Variants in NRXN2 observed in about 807,000 individuals in gnomAD.
The protein encoded by NRXN2 is neurexin 2.
Under a neutral mutation model 128.8 loss-of-function variants are expected in NRXN2, and 29 were observed. The ratio of observed to expected loss-of-function variants is 0.23; its 90% CI spans 0.17 to 0.31. The LOEUF is 0.31. Among genes scored for constraint, NRXN2 ranks in the 10% least tolerant of loss-of-function variants. The pLI is 1.00. For missense variants in NRXN2, 1,881 were observed against 2,452.6 expected, an observed-to-expected ratio of 0.77 and a Z score of 4.92; for synonymous variants, 1,098 against 1,075.2, an observed-to-expected ratio of 1.02 and a Z score of -0.41.
chr11:64,608,750 T>A (rs2040137069), intron 22 of NRXN2, among the ~76,000 whole-genome samples: 1 of 152,162 alleles, frequency 6.6e-6, no homozygotes. Context: ...CTGAACTCTC[T>A]CTCCGCCCTC....
intron 6 of NRXN2, 50 bp from the exon 7 acceptor site, chr11:64,677,087 A>G (rs2051440556): frequency 8.5e-7 from 1 of 1,180,590 alleles, no homozygotes; most frequent in Non-Finnish European, 1.3e-6. Context: ...TCAAAAAACA[A>G]CAACAAACAC....
In NRXN2 at chr11:64,713,843, G is replaced by A. The variant is rs2057186735; in HGVS notation, c.-144C>T. Reference sequence around the variant, plus strand: ...CTCACAGTGCCATGGGCCCGGCCGCGGGGCGAGGCGCGCAGAGGCCCAGAT... The same window carrying A: ...CTCACAGTGCCATGGGCCCGGCCGCAGGGCGAGGCGCGCAGAGGCCCAGAT... On this transcript the variant is annotated 5_prime_UTR_variant, in exon 2 of 23. Coordinates refer to ENST00000265459, the MANE Select transcript of NRXN2 (RefSeq NM_015080.4). 5.5e-6 allele frequency: 2 copies of A among 364,766 alleles called. No individual in the cohort carries two copies. The highest frequency in any genetic ancestry group is 7.7e-6 in the Non-Finnish European group (2 of 259,280). The allele number at this position is 364,766 out of a possible 1,614,324, so 22.6% of individuals were successfully genotyped here. A position where few individuals can be genotyped will look rare whatever the true frequency, so the allele number is the denominator to read the frequency against.
rs570008433 is a variant in NRXN2 at position 64,712,196 on chromosome 11, G to T, written c.730+774C>A. On this transcript the variant is annotated intron_variant, in intron 2 of 22. Transcript: ENST00000265459. ...CCCTCACCGTTTCACATGGGGCCCCGCCCCCTGTCTCACAGGCCCCGCCCA... is the reference window on the plus strand; with the variant it reads ...CCCTCACCGTTTCACATGGGGCCCCTCCCCCTGTCTCACAGGCCCCGCCCA... Among the ~76,000 whole-genome samples, 9 of 97,912 alleles carry T rather than the reference G, an allele frequency of 9.2e-5. No homozygotes were observed. In the Admixed American group the frequency reaches 1.0e-3, roughly 11 times the overall value. 64.2% of individuals were successfully genotyped at this position (97,912 alleles called of 152,430 possible). A position where few individuals can be genotyped will look rare whatever the true frequency, so the allele number is the denominator to read the frequency against.
chr11:64,676,906 C>T, intron 7 of NRXN2, 87 bp downstream of exon 7: 1 of 1,109,472 alleles, frequency 9.0e-7, no homozygotes, highest in Non-Finnish European at 1.4e-6. Context: ...AAAAACCAAA[C>T]AGGGAGAGGA....
At chr11:64,681,703 T>C (rs1271361663) in intron 6 of NRXN2, among the ~76,000 whole-genome samples, 1 of 152,248 alleles carries the variant, frequency 6.6e-6, no homozygotes, top group East Asian at 1.9e-4. Context: ...GATTTGAACC[T>C]GGTCTTTCTG....
At chr11:64,720,872 G>A (rs1405779585) in intron 1 of NRXN2, among the ~76,000 whole-genome samples, 1 of 152,168 alleles carries the variant, frequency 6.6e-6, no homozygotes, top group Non-Finnish European at 1.5e-5. Context: ...TGCAAGGACT[G>A]AAGGTGTATG....
chr11:64,711,265 T>C (rs2056856092), intron 2 of NRXN2, among the ~76,000 whole-genome samples: 1 of 152,064 alleles, frequency 6.6e-6, no homozygotes, highest in South Asian at 2.1e-4. Context: ...CCTCTGACTC[T>C]GGGGGGACGG....
Position 64,660,644 on chromosome 11 carries a change from G to A in NRXN2, c.2185+109C>T, listed in dbSNP as rs2048895597. ...CGAAAAGCCTAGGGCAGGTCTATGAGGGGTTCCCCTAGGAGGAGGTGGCAC... is the reference window on the plus strand; with the variant it reads ...CGAAAAGCCTAGGGCAGGTCTATGAAGGGTTCCCCTAGGAGGAGGTGGCAC... On this transcript the variant is annotated intron_variant, in intron 10 of 22. Coordinates refer to ENST00000265459, the MANE Select transcript of NRXN2 (RefSeq NM_015080.4). This position sits in a 1 kb window ranked among gnomAD's most constrained non-coding sequence, Gnocchi z 5.2. 6.3e-7 allele frequency: 1 copy of A among 1,590,330 alleles called. No homozygotes were observed. Among genetic ancestry groups the A allele is most frequent in the South Asian group, 1.1e-5 (1 of 90,548 alleles).
In NRXN2 at chr11:64,608,001, G is replaced by A. The variant is rs865886889; in HGVS notation, c.4334C>T (p.Pro1445Leu). ...PVATRSPFVP[P>L]PPTFYPFLTG... ...GAGGAAGGGGTAGAAGGTAGGGGGC[G>A]GGGGCACGAAGGGGGATCGGGTGGC... is the stretch of plus-strand genomic sequence containing the variant. Residue 1445 changes from proline (P) to leucine (L), a missense_variant, in exon 23 of 23, where the codon CCG becomes CTG. Coordinates refer to ENST00000265459, the MANE Select transcript of NRXN2 (RefSeq NM_015080.4). The A allele has an allele frequency of 1.3e-6, 2 of 1,534,736 alleles. No individual in the cohort carries two copies. Among genetic ancestry groups the A allele is most frequent in the South Asian group, 1.2e-5 (1 of 85,180 alleles).
At chr11:64,610,914 C>T (rs1254690658) in intron 22 of NRXN2, among the ~76,000 whole-genome samples, 1 of 152,194 alleles carries the variant, frequency 6.6e-6, no homozygotes, top group Non-Finnish European at 1.5e-5. Context: ...CTGACCTTTG[C>T]CTTCTATTCA....
At chr11:64,627,603 C>T (rs1413111033) in intron 19 of NRXN2, among the ~76,000 whole-genome samples, 2 of 152,024 alleles carry the variant, frequency 1.3e-5, no homozygotes, top group African/African-American at 4.8e-5. Flanking sequence ...TTCCTCTCTG[C>T]GCTCACCAAT....
chr11:64,720,670 A>G (rs1461867221), intron 1 of NRXN2, among the ~76,000 whole-genome samples: 1 of 148,908 alleles, frequency 6.7e-6, no homozygotes, highest in Non-Finnish European at 1.5e-5. Context: ...GTGTTAGCAA[A>G]CATGTGCTGG....
intron 1 of NRXN2, among the ~76,000 whole-genome samples, chr11:64,716,671 C>T (rs1463855217): frequency 6.6e-6 from 1 of 152,130 alleles, no homozygotes; most frequent in Non-Finnish European, 1.5e-5. Context: ...CCCCTCAAGG[C>T]TCATTACTCA....
In NRXN2 at chr11:64,667,680, A is replaced by G. The variant is rs1480680729; in HGVS notation, c.1368T>C (p.Tyr456=). 2.5e-6 allele frequency: 4 copies of G among 1,614,018 alleles called. No homozygotes were observed. The highest frequency in any genetic ancestry group is 2.5e-6 in the Non-Finnish European group (3 of 1,180,002). The change falls in exon 9 of 23, where the codon TAT becomes TAC. Residue 456 remains tyrosine, a synonymous_variant. Transcript: ENST00000265459. This position sits in a 1 kb window ranked among gnomAD's most constrained non-coding sequence, Gnocchi z 5.6. The part of the protein sequence containing the change: ...NFMGCLKDVV[Y]KNNDFKLELS... Reference sequence around the variant, plus strand: ...GTTCCAATTTGAAGTCATTGTTCTTATAGACCACCTGCAGGGAGGGGTGGG... The same window carrying G: ...GTTCCAATTTGAAGTCATTGTTCTTGTAGACCACCTGCAGGGAGGGGTGGG...
At position 64,660,807 on chromosome 11, in the gene NRXN2, G is replaced by A. The variant is rs1286846183; in HGVS notation, c.2131C>T (p.Arg711Cys). Residue 711 changes from arginine to cysteine, a missense_variant, in exon 10 of 23, where the codon CGC becomes TGC. Physicochemically the swap from Arg to Cys is radical, Grantham distance 180 (BLOSUM62 -3). Coordinates refer to ENST00000265459, the MANE Select transcript of NRXN2 (RefSeq NM_015080.4). This position sits in a 1 kb window ranked among gnomAD's most constrained non-coding sequence, Gnocchi z 5.2. ...GTCCCGATGCAGTCACAGATGAAGC[G>A]GTTCCAGCCTTCTCGACAGACGCCC... ...NGGVCREGWN[R>C]FICDCIGTGF... 4 of 1,613,972 alleles carry A rather than the reference G, an allele frequency of 2.5e-6. No homozygotes were observed. The highest frequency in any genetic ancestry group is 1.7e-6 in the Non-Finnish European group (2 of 1,180,008).
Position 64,606,293 on chromosome 11 carries a change from C to CGTGGGCAAAGAAGTGACCCCAGCAGTCT in NRXN2, c.*875_*902dup, listed in dbSNP as rs2039630778. ...AAAAAAACTGGGGGAGCAGGGAGCC[C>CGTGGGCAAAGAAGTGACCCCAGCAGTCT]GTGGGCAAAGAAGTGACCCCAGCAG... On this transcript the variant is annotated 3_prime_UTR_variant, in exon 23 of 23. Coordinates refer to ENST00000265459, the MANE Select transcript of NRXN2 (RefSeq NM_015080.4). The CGTGGGCAAAGAAGTGACCCCAGCAGTCT allele has an allele frequency of 2.0e-5, 3 of 152,538 alleles. No individual in the cohort carries two copies. The highest frequency in any genetic ancestry group is 4.4e-5 in the Non-Finnish European group (3 of 68,036). 9.4% of individuals were successfully genotyped at this position (152,538 alleles called of 1,614,324 possible).
At position 64,630,469 on chromosome 11, in the gene NRXN2, G is replaced by A; in HGVS notation, c.3690C>T (p.Phe1230=). 1 of 1,613,930 alleles carries A rather than the reference G, an allele frequency of 6.2e-7. No homozygotes were observed. The highest frequency in any genetic ancestry group is 8.5e-7 in the Non-Finnish European group (1 of 1,180,012). ...VSDGKYHVVR[F]TRSGGNATLQ... Reference sequence around the variant, plus strand: ...GGGTGGCGTTGCCGCCGCTTCGAGTGAAGCGCACCACGTGGTATTTGCCGT... The same window carrying A: ...GGGTGGCGTTGCCGCCGCTTCGAGTAAAGCGCACCACGTGGTATTTGCCGT... The change falls in exon 19 of 23, where the codon TTC becomes TTT. Residue 1230 remains phenylalanine, a synonymous_variant. Transcript: ENST00000265459. This position sits in a 1 kb window ranked among gnomAD's most constrained non-coding sequence, Gnocchi z 4.6.
chr11:64,607,500 G>A lies in NRXN2; in HGVS notation c.4835C>T (p.Ala1612Val). Residue 1612 changes from alanine to valine, a missense_variant, in exon 23 of 23, where the codon GCC (alanine) becomes GTC (valine). Transcript: ENST00000265459. ...CCGCTCCCCAGGCCCTGTGGGGTTG[G>A]CTGTGGGCAGATGGGGGAAGCCGGG... ...SAPGFPHLPT[A>V]NPTGPGERGP... is the part of the protein sequence containing the mutation. The A allele has an allele frequency of 6.3e-7, 1 of 1,597,696 alleles. No individual in the cohort carries two copies. The highest frequency in any genetic ancestry group is 1.1e-5 in the South Asian group (1 of 90,568).
intron 19 of NRXN2, among the ~76,000 whole-genome samples, chr11:64,627,255 A>C: frequency 6.8e-6 from 1 of 146,190 alleles, no homozygotes; most frequent in Admixed American, 6.8e-5. Context: ...AGGCCTCCTC[A>C]CCCTGGTCAG....
Sources: allele counts gnomAD v4.1 joint callset (sites outside exome capture counted in the v4.1 genomes callset), GRCh38; gene constraint gnomAD v4.1.1; non-coding constraint Gnocchi (gnomAD v3.1); transcripts MANE v1.5; gene names NCBI Gene and HGNC (gene_info 2026-07-23, HGNC 2026-07-21).